GABBR2: variants seen among roughly 807,000 people sequenced by gnomAD.
GABBR2 encodes gamma-aminobutyric acid type B receptor subunit 2, also known as G-protein coupled receptor 51.
In GABBR2, 23 loss-of-function variants were observed where a neutral mutation model predicts 105.6. That is an observed-to-expected ratio of 0.22 (90% confidence interval 0.16 to 0.31). GABBR2 has a LOEUF of 0.31. Among genes scored for constraint, GABBR2 ranks in the 10% least tolerant of loss-of-function variants. The pLI, the probability that GABBR2 is intolerant of heterozygous loss-of-function variation, is 1.00. For synonymous variants in GABBR2, 478 were observed against 499.7 expected, an observed-to-expected ratio of 0.96 and a Z score of 0.58; for missense variants, 734 against 1,245.5, an observed-to-expected ratio of 0.59 and a Z score of 6.18.
At chr9:98,500,997 T>C (rs1321605925) in intron 3 of GABBR2, among the ~76,000 whole-genome samples, 1 of 152,148 alleles carries the variant, frequency 6.6e-6, no homozygotes, top group African/African-American at 2.4e-5. Flanking sequence ...GGATAAGTTT[T>C]AAGTAAATGA....
intron 2 of GABBR2, among the ~76,000 whole-genome samples, chr9:98,561,470 G>A (rs1201767344): frequency 6.6e-6 from 1 of 152,114 alleles, no homozygotes; most frequent in African/African-American, 2.4e-5. Flanking sequence ...AAAATATTAA[G>A]TGCTCAAATT....
intron 9 of GABBR2, among the ~76,000 whole-genome samples, chr9:98,393,648 A>G (rs905051061): frequency 6.6e-6 from 1 of 152,262 alleles, no homozygotes; most frequent in African/African-American, 2.4e-5. Flanking sequence ...AGTAATATCA[A>G]TGTAAAGTGA....
chr9:98,322,012 A>G (rs1830830844), intron 13 of GABBR2, among the ~76,000 whole-genome samples: 1 of 150,730 alleles, frequency 6.6e-6, no homozygotes, highest in Non-Finnish European at 1.5e-5. Context: ...GAGTCCTCAC[A>G]CTCCCATCCA....
At chr9:98,642,474 A>G (rs1829977708) in intron 1 of GABBR2, among the ~76,000 whole-genome samples, 1 of 152,208 alleles carries the variant, frequency 6.6e-6, no homozygotes, top group South Asian at 2.1e-4. Context: ...GTCCTTCCTC[A>G]AAAGCCTGCA....
intron 3 of GABBR2, among the ~76,000 whole-genome samples, chr9:98,530,939 G>C (rs749060736): frequency 4.6e-5 from 7 of 152,096 alleles, no homozygotes; most frequent in Non-Finnish European, 1.0e-4. Flanking sequence ...GGGTTGCTTC[G>C]CAAGGCTTGA....
At chr9:98,538,592 A>C in intron 3 of GABBR2, 7 of 984,574 alleles carry the variant, frequency 7.1e-6, no homozygotes, top group Non-Finnish European at 8.4e-6. Flanking sequence ...GCTGGTCCCC[A>C]GGTGGGATGG....
At chr9:98,325,442 C>A (rs1453572525) in intron 13 of GABBR2, among the ~76,000 whole-genome samples, 1 of 151,964 alleles carries the variant, frequency 6.6e-6, no homozygotes, top group Admixed American at 6.6e-5. Context: ...CACGTGCATG[C>A]CACAACACCC....
intron 14 of GABBR2, among the ~76,000 whole-genome samples, chr9:98,310,669 A>T (rs10985826): frequency 0.13 from 19,233 of 152,100 alleles, 1,496 homozygotes; most frequent in Middle Eastern, 0.21. Context: ...TCATCTATTA[A>T]ATGGGGATGA....
At chr9:98,357,114 A>T (rs1831497967) in intron 13 of GABBR2, among the ~76,000 whole-genome samples, 1 of 152,206 alleles carries the variant, frequency 6.6e-6, no homozygotes, top group African/African-American at 2.4e-5. Flanking sequence ...TGCATTTGGC[A>T]AAGCCCGTAG....
chr9:98,541,297 G>C (rs2131739903), intron 3 of GABBR2, among the ~76,000 whole-genome samples: 1 of 152,188 alleles, frequency 6.6e-6, no homozygotes, highest in South Asian at 2.1e-4. Context: ...CAGAGAGAAA[G>C]CATGATTCAG....
chr9:98,563,544 C>G (rs1828707777), intron 2 of GABBR2, among the ~76,000 whole-genome samples: 1 of 152,182 alleles, frequency 6.6e-6, no homozygotes, highest in Admixed American at 6.5e-5. Context: ...TGTGCCCAAT[C>G]CTCTAGGAAT....
chr9:98,516,230 A>G (rs757413469), intron 3 of GABBR2: 1 of 152,362 alleles, frequency 6.6e-6, no homozygotes, highest in Non-Finnish European at 1.5e-5. Flanking sequence ...GTAATAAAAG[A>G]AGGAGACAAG....
At chr9:98,298,060 G>C (rs938361352) in intron 17 of GABBR2, among the ~76,000 whole-genome samples, 2 of 117,470 alleles carry the variant, frequency 1.7e-5, no homozygotes, top group Non-Finnish European at 3.6e-5. Flanking sequence ...AAAAAAAAAA[G>C]TAATGTAAAA....
At chr9:98,391,770 G>A (rs2131501469) in intron 9 of GABBR2, among the ~76,000 whole-genome samples, 1 of 152,310 alleles carries the variant, frequency 6.6e-6, no homozygotes, top group South Asian at 2.1e-4. Context: ...GTCCCTTCAT[G>A]GAGGCCTTGG....
chr9:98,419,521 T>C (rs372254653), intron 7 of GABBR2, among the ~76,000 whole-genome samples: 1 of 152,186 alleles, frequency 6.6e-6, no homozygotes, highest in African/African-American at 2.4e-5. Flanking sequence ...GGACAGGACC[T>C]GGGAGGAGCG....
At chr9:98,614,472 C>A (rs954091249) in intron 1 of GABBR2, among the ~76,000 whole-genome samples, 5 of 152,090 alleles carry the variant, frequency 3.3e-5, no homozygotes, top group Admixed American at 6.5e-5. Flanking sequence ...TTGAGGTGAG[C>A]CGAGGTTGCG....
chr9:98,691,668 G>T (rs915039813), intron 1 of GABBR2, among the ~76,000 whole-genome samples: 1 of 152,188 alleles, frequency 6.6e-6, no homozygotes, highest in Admixed American at 6.5e-5. Context: ...GTCTCTTGCG[G>T]TCAGTCACCT....
intron 16 of GABBR2, among the ~76,000 whole-genome samples, chr9:98,300,106 C>T (rs1397770751): frequency 6.6e-6 from 1 of 151,874 alleles, no homozygotes; most frequent in Non-Finnish European, 1.5e-5. Flanking sequence ...TCAAGCAATC[C>T]TCCCACTTTG....
At chr9:98,610,765 G>C (rs1276260107) in intron 1 of GABBR2, among the ~76,000 whole-genome samples, 1 of 151,754 alleles carries the variant, frequency 6.6e-6, no homozygotes, top group Non-Finnish European at 1.5e-5. Context: ...CAGACTTCTG[G>C]CCTCTAGGAC....
Sources: allele counts gnomAD v4.1 joint callset (sites outside exome capture counted in the v4.1 genomes callset), GRCh38; gene constraint gnomAD v4.1.1; transcripts MANE v1.5; gene names NCBI Gene and HGNC (gene_info 2026-07-23, HGNC 2026-07-21).